Variants in FIGN observed in about 807,000 individuals in gnomAD.
FIGN encodes fidgetin, microtubule severing factor.
In FIGN, 11 loss-of-function variants were observed where a neutral mutation model predicts 51.3. The observed-to-expected ratio is 0.21, with a 90% CI of 0.13 to 0.35. The LOEUF (loss-of-function observed/expected upper bound fraction) is 0.35. FIGN is among the 10% of genes least tolerant of loss of function. FIGN has a pLI of 1.00. For missense variants in FIGN, 857 were observed against 943.6 expected (o/e 0.91, Z 1.20); for synonymous variants, 407 against 363.2 (o/e 1.12, Z -1.37).
At chr2:163,635,681 T>C (rs190769704) in intron 2 of FIGN, among the ~76,000 whole-genome samples, 2 of 152,334 alleles carry the variant, frequency 1.3e-5, no homozygotes. Flanking sequence ...ATCCTATTTG[T>C]AAAACTCTAT....
At chr2:163,676,473 ATATATATAT>A (rs1559017817) in intron 2 of FIGN, among the ~76,000 whole-genome samples, 13 of 108,928 alleles carry the variant, frequency 1.2e-4, no homozygotes, top group African/African-American at 3.4e-4. Context: ...ATATATATAT[ATATATATAT>A]AACTAGAGTC....
intron 2 of FIGN, among the ~76,000 whole-genome samples, chr2:163,661,624 C>T (rs900330136): frequency 2.0e-5 from 3 of 152,030 alleles, no homozygotes; most frequent in Non-Finnish European, 2.9e-5. Flanking sequence ...GTGTCCCCAC[C>T]CAAATGTCAA....
chr2:163,617,231 C>T (rs543856999), intron 2 of FIGN: 31 of 984,630 alleles, frequency 3.1e-5, no homozygotes, highest in Admixed American at 2.5e-4. Flanking sequence ...ACTGAAATTA[C>T]GTATCATTTT....
Position 163,610,434 on chromosome 2 carries a change from C to T in FIGN, c.1398G>A (p.Thr466=), listed in dbSNP as rs554512883. ...CATTGGTTACCAGGTCGATGAGGTG[C>T]GTGTCAGTATTCTTCAGTTGCTCGT... The part of the protein sequence containing the change: ...SVDEQLKNTD[T]HLIDLVTNEI... The change falls in exon 3 of 3, where the codon ACG becomes ACA. Residue 466 remains threonine, a synonymous_variant. Transcript: ENST00000333129. 31 of 1,614,084 alleles carry T rather than the reference C, an allele frequency of 1.9e-5. No individual in the cohort carries two copies. The highest frequency in any genetic ancestry group is 9.9e-5 in the South Asian group (9 of 91,072).
chr2:163,637,090 C>CAAAA (rs1465510105), intron 2 of FIGN, among the ~76,000 whole-genome samples: 1 of 152,048 alleles, frequency 6.6e-6, no homozygotes, highest in Non-Finnish European at 1.5e-5. Flanking sequence ...AACAAACAAA[C>CAAAA]AAAAAACGGA....
At position 163,724,863 on chromosome 2, in the gene FIGN, A is replaced by G. The variant is rs1684816438; in HGVS notation, c.25+10040T>C. Among the ~76,000 whole-genome samples, 3 of 152,192 alleles carry G rather than the reference A, an allele frequency of 2.0e-5. No individual in the cohort carries two copies. In the South Asian group the frequency reaches 6.2e-4, roughly 32 times the overall value. ...TTATGGGGACGAAAAGATACGGAGA[A>G]TATAATTTGTTAAAATAGTGCTACA... is the stretch of plus-strand genomic sequence containing the variant. On this transcript the variant is annotated intron_variant, in intron 2 of 2. Coordinates refer to ENST00000333129, the MANE Select transcript of FIGN (RefSeq NM_018086.4).
intron 2 of FIGN, among the ~76,000 whole-genome samples, chr2:163,730,435 G>A (rs926719026): frequency 6.6e-6 from 1 of 152,072 alleles, no homozygotes; most frequent in Non-Finnish European, 1.5e-5. Context: ...TATTTGCAGT[G>A]TGTCAAAAAA....
chr2:163,685,818 T>C (rs530395805), intron 2 of FIGN, among the ~76,000 whole-genome samples: 2 of 152,360 alleles, frequency 1.3e-5, no homozygotes, highest in South Asian at 4.1e-4. Context: ...ACTTTCATTA[T>C]GGATATTGAA....
At chr2:163,693,398 T>C (rs1684268082) in intron 2 of FIGN, among the ~76,000 whole-genome samples, 1 of 152,178 alleles carries the variant, frequency 6.6e-6, no homozygotes, top group South Asian at 2.1e-4. Flanking sequence ...CTGGGTCCCA[T>C]TCTCTCACTT....
intron 2 of FIGN, among the ~76,000 whole-genome samples, chr2:163,630,698 CAG>C (rs1683133573): frequency 2.6e-5 from 4 of 151,268 alleles, no homozygotes; most frequent in Admixed American, 1.3e-4. Flanking sequence ...TGATGATTGT[CAG>C]TCATTACTAA....
chr2:163,655,378 A>G (rs1173340396), intron 2 of FIGN, among the ~76,000 whole-genome samples: 1 of 152,194 alleles, frequency 6.6e-6, no homozygotes, highest in African/African-American at 2.4e-5. Context: ...ACGATGTGCT[A>G]TGACTCTAAA....
At chr2:163,647,429 G>C (rs1683399591) in intron 2 of FIGN, among the ~76,000 whole-genome samples, 1 of 151,974 alleles carries the variant, frequency 6.6e-6, no homozygotes. Context: ...CAAAAGCAGG[G>C]GAAAATATCA....
intron 2 of FIGN, among the ~76,000 whole-genome samples, chr2:163,653,946 G>T (rs571599743): frequency 6.6e-6 from 1 of 152,180 alleles, no homozygotes; most frequent in South Asian, 2.1e-4. Flanking sequence ...AGTAATCCCT[G>T]GTTCTGGACT....
chr2:163,617,952 C>A (rs2105303656), intron 2 of FIGN, among the ~76,000 whole-genome samples: 1 of 152,228 alleles, frequency 6.6e-6, no homozygotes, highest in South Asian at 2.1e-4. Context: ...CAAAACAACA[C>A]TGGCTAGACA....
At chr2:163,684,761 C>T (rs988161127) in intron 2 of FIGN, among the ~76,000 whole-genome samples, 4 of 151,902 alleles carry the variant, frequency 2.6e-5, no homozygotes, top group African/African-American at 9.7e-5. Flanking sequence ...CATTATTGAA[C>T]TGTCAGTTTC....
chr2:163,733,872 A>G (rs1258560263), intron 2 of FIGN, among the ~76,000 whole-genome samples: 1 of 146,490 alleles, frequency 6.8e-6, no homozygotes, highest in Non-Finnish European at 1.5e-5. Flanking sequence ...TTCTTTTTTC[A>G]TATTCTCTCT....
chr2:163,611,165 G>A lies in FIGN; in HGVS notation c.667C>T (p.Pro223Ser), dbSNP rs780396169. Residue 223 changes from proline (P) to serine (S), a missense_variant, in exon 3 of 3, where the codon CCA becomes TCA. This residue lies in a region of FIGN where 799 missense variants were observed against 849.5 expected (regional missense o/e 0.94). Coordinates refer to ENST00000333129, the MANE Select transcript of FIGN (RefSeq NM_018086.4). ...PLHSSGLLQP[P>S]PPPPPPPALV... ...GCTGGTGGCGGAGGAGGTGGTGGTG[G>A]GGGCTGTAGTAGCCCAGAGCTATGC... 21 of 1,613,994 alleles carry A rather than the reference G, an allele frequency of 1.3e-5. No homozygotes were observed. The highest frequency in any genetic ancestry group is 8.3e-5 in the Admixed American group (5 of 59,994).
chr2:163,645,991 G>C (rs539796308), intron 2 of FIGN, among the ~76,000 whole-genome samples: 55 of 152,276 alleles, frequency 3.6e-4, no homozygotes, highest in African/African-American at 1.3e-3. Context: ...TCACTGTCAT[G>C]CAGCAAATTC....
At chr2:163,708,208 CT>C (rs1282694895) in intron 2 of FIGN, among the ~76,000 whole-genome samples, 59 of 152,248 alleles carry the variant, frequency 3.9e-4, no homozygotes, top group African/African-American at 1.3e-3. Context: ...GCACACTACG[CT>C]GTGTTTATTG....
Sources: allele counts gnomAD v4.1 joint callset (sites outside exome capture counted in the v4.1 genomes callset), GRCh38; gene constraint gnomAD v4.1.1; regional missense constraint gnomAD v4.1.1; transcripts MANE v1.5; gene names NCBI Gene and HGNC (gene_info 2026-07-23, HGNC 2026-07-21).